Variants in IMMP2L observed in about 807,000 individuals in gnomAD.
The protein encoded by IMMP2L is mitochondrial inner membrane protease subunit 2.
A neutral mutation model predicts 19.3 loss-of-function variants in IMMP2L; 18 were observed. The observed-to-expected ratio is 0.93, with a 90% CI of 0.64 to 1.38. IMMP2L has a LOEUF of 1.38. IMMP2L is among the 40% of genes most tolerant of loss of function. The pLI, the probability that IMMP2L is intolerant of heterozygous loss-of-function variation, is 0.00. For synonymous variants in IMMP2L, 76 were observed against 73.0 expected (o/e 1.04, Z -0.21); for missense variants, 233 against 218.2 (o/e 1.07, Z -0.43).
chr7:110,852,740 A>G (rs1806362080), intron 5 of IMMP2L, among the ~76,000 whole-genome samples: 1 of 152,044 alleles, frequency 6.6e-6, no homozygotes, highest in Admixed American at 6.6e-5. Flanking sequence ...AGAACCATGA[A>G]ATATTCATGG....
At position 111,319,667 on chromosome 7, in the gene IMMP2L, T is replaced by A. The variant is rs181254757; in HGVS notation, c.239+167571A>T. Among the ~76,000 whole-genome samples, 545 of 152,206 alleles carry A rather than the reference T, an allele frequency of 3.6e-3. 3 individuals are homozygous for A. The highest frequency in any genetic ancestry group is 0.013 in the African/African-American group (520 of 41,550). ...ATCTGTTTTAATACAGAAGGCTATA[T>A]TCTATAGCGATAAGTTCTATTTTAG... On this transcript the variant is annotated intron_variant, in intron 3 of 5. Transcript: ENST00000405709.
intron 3 of IMMP2L, among the ~76,000 whole-genome samples, chr7:110,973,046 G>T (rs1820313763): frequency 6.6e-6 from 1 of 152,038 alleles, no homozygotes. Context: ...AGAGATTGTT[G>T]GTGGAGGTTG....
chr7:111,272,869 T>C (rs1258628336), intron 3 of IMMP2L, among the ~76,000 whole-genome samples: 1 of 152,118 alleles, frequency 6.6e-6, no homozygotes, highest in African/African-American at 2.4e-5. Context: ...CAGATTATAA[T>C]ACAGAAGTAC....
At chr7:111,378,277 C>T (rs558818166) in intron 3 of IMMP2L, among the ~76,000 whole-genome samples, 4 of 151,992 alleles carry the variant, frequency 2.6e-5, no homozygotes, top group African/African-American at 9.6e-5. Flanking sequence ...ATAATGTTTT[C>T]TGATATGTGG....
At chr7:111,205,050 C>T (rs1256860944) in intron 3 of IMMP2L, among the ~76,000 whole-genome samples, 1 of 152,154 alleles carries the variant, frequency 6.6e-6, no homozygotes, top group African/African-American at 2.4e-5. Context: ...AAGGTGCCAG[C>T]ATTCAGTGTC....
At chr7:110,980,401 T>G (rs574516826) in intron 3 of IMMP2L, among the ~76,000 whole-genome samples, 1 of 151,932 alleles carries the variant, frequency 6.6e-6, no homozygotes, top group African/African-American at 2.4e-5. Context: ...GCTAATTTTT[T>G]GTATTTTTAG....
chr7:111,066,061 C>T (rs1794470451), intron 3 of IMMP2L, among the ~76,000 whole-genome samples: 1 of 150,316 alleles, frequency 6.7e-6, no homozygotes, highest in South Asian at 2.1e-4. Context: ...TCACTGCAAC[C>T]TCCGCCTCCT....
intron 5 of IMMP2L, among the ~76,000 whole-genome samples, chr7:110,801,268 G>A (rs538607331): frequency 2.9e-4 from 44 of 152,160 alleles, no homozygotes; most frequent in African/African-American, 1.0e-3. Context: ...TCCCTTTAGA[G>A]GCATGTTGCT....
intron 3 of IMMP2L, among the ~76,000 whole-genome samples, chr7:110,994,350 G>C (rs115503721): frequency 1.3e-5 from 2 of 151,972 alleles, no homozygotes; most frequent in African/African-American, 4.8e-5. Flanking sequence ...GTCTGCTCTC[G>C]TGTTCTTTTT....
chr7:111,422,589 GT>G (rs1286157171), intron 3 of IMMP2L, among the ~76,000 whole-genome samples: 2 of 151,868 alleles, frequency 1.3e-5, no homozygotes, highest in Non-Finnish European at 2.9e-5. Flanking sequence ...CTTTGCTGAA[GT>G]TGCTTATCAG....
At chr7:110,744,719 T>C (rs983513890) in intron 5 of IMMP2L, among the ~76,000 whole-genome samples, 4 of 152,082 alleles carry the variant, frequency 2.6e-5, no homozygotes, top group African/African-American at 9.7e-5. Flanking sequence ...ACAAAAAGGA[T>C]GTCCACTCAG....
At chr7:111,205,670 A>C (rs1478291909) in intron 3 of IMMP2L, among the ~76,000 whole-genome samples, 2 of 152,190 alleles carry the variant, frequency 1.3e-5, no homozygotes, top group Non-Finnish European at 2.9e-5. Flanking sequence ...AAAATATAGG[A>C]GATTTACACA....
chr7:110,986,961 T>A (rs1821926249), intron 3 of IMMP2L, among the ~76,000 whole-genome samples: 1 of 152,122 alleles, frequency 6.6e-6, no homozygotes, highest in South Asian at 2.1e-4. Flanking sequence ...AAGTCCTATA[T>A]AATGTTATGA....
chr7:111,294,176 T>C (rs752177260), intron 3 of IMMP2L, among the ~76,000 whole-genome samples: 1 of 151,922 alleles, frequency 6.6e-6, no homozygotes, highest in Non-Finnish European at 1.5e-5. Context: ...TCTTTACCCA[T>C]AGTCATATGG....
intron 3 of IMMP2L, among the ~76,000 whole-genome samples, chr7:111,114,378 A>T (rs1024557368): frequency 6.6e-6 from 1 of 152,170 alleles, no homozygotes; most frequent in African/African-American, 2.4e-5. Context: ...AAAACTAAAA[A>T]TATCATAAAA....
chr7:110,899,221 C>A (rs1811624956), intron 4 of IMMP2L, among the ~76,000 whole-genome samples: 1 of 152,048 alleles, frequency 6.6e-6, no homozygotes, highest in East Asian at 1.9e-4. Flanking sequence ...TTTCTATATA[C>A]AAATGCATTA....
intron 3 of IMMP2L, among the ~76,000 whole-genome samples, chr7:111,322,574 T>C (rs1412231534): frequency 6.6e-6 from 1 of 151,400 alleles, no homozygotes; most frequent in Non-Finnish European, 1.5e-5. Context: ...AAATTCGATA[T>C]CTGGGTGGTA....
chr7:110,663,417 G>T lies in IMMP2L; in HGVS notation c.*185C>A, dbSNP rs1286655167. 1 of 482,664 alleles carries T rather than the reference G, an allele frequency of 2.1e-6. No homozygotes were observed. The highest frequency in any genetic ancestry group is 2.0e-5 in the African/African-American group (1 of 49,338). The allele number at this position is 482,664 out of a possible 1,614,324, so 29.9% of individuals were successfully genotyped here. A position where few individuals can be genotyped will look rare whatever the true frequency, so the allele number is the denominator to read the frequency against. On this transcript the variant is annotated 3_prime_UTR_variant, in exon 6 of 6. Transcript: ENST00000405709. ...ACTAAAATTTAACACAAAATCAGGT[G>T]CCATTTAATACTGTTTAACATTTGA...
intron 3 of IMMP2L, among the ~76,000 whole-genome samples, chr7:111,024,842 ATT>A (rs1826656233): frequency 6.6e-6 from 1 of 152,052 alleles, no homozygotes; most frequent in South Asian, 2.1e-4. Context: ...TAACTTGCAT[ATT>A]TTTACTTGTC....
Sources: allele counts gnomAD v4.1 joint callset (sites outside exome capture counted in the v4.1 genomes callset), GRCh38; gene constraint gnomAD v4.1.1; transcripts MANE v1.5; gene names NCBI Gene and HGNC (gene_info 2026-07-23, HGNC 2026-07-21).